Variants in FGFR2 observed in about 807,000 individuals in gnomAD.
FGFR2 encodes fibroblast growth factor receptor 2.
In FGFR2, 19 loss-of-function variants were observed where a neutral mutation model predicts 95.9. The observed-to-expected ratio is 0.20, with a 90% CI of 0.14 to 0.29. The LOEUF (loss-of-function observed/expected upper bound fraction) is 0.29. Ranked by LOEUF, FGFR2 falls within the 10% of genes least tolerant of loss-of-function variation. The pLI, the probability that FGFR2 is intolerant of heterozygous loss-of-function variation, is 1.00. For missense variants in FGFR2, 707 were observed against 1,056.9 expected, an observed-to-expected ratio of 0.67 and a Z score of 4.59; for synonymous variants, 392 against 393.3, an observed-to-expected ratio of 1.00 and a Z score of 0.04.
chr10:121,587,235 T>C (rs984663534), intron 2 of FGFR2, among the ~76,000 whole-genome samples: 1 of 152,100 alleles, frequency 6.6e-6, no homozygotes, highest in East Asian at 1.9e-4. Flanking sequence ...CCCTTCCTTA[T>C]ACCATATACA....
At chr10:121,555,492 G>C (rs11200002) in intron 4 of FGFR2, among the ~76,000 whole-genome samples, 2 of 152,192 alleles carry the variant, frequency 1.3e-5, no homozygotes, top group African/African-American at 4.8e-5. Context: ...TCAGCTAATA[G>C]AGACGTGTGG....
intron 6 of FGFR2, among the ~76,000 whole-genome samples, chr10:121,529,672 T>G (rs1480850218): frequency 3.9e-5 from 6 of 152,190 alleles, no homozygotes; most frequent in Non-Finnish European, 8.8e-5. Flanking sequence ...TTTGAGAGAA[T>G]CCTGTAATCC....
rs916703359 is a variant in FGFR2 at position 121,545,068 on chromosome 10, A to G, written c.624+6222T>C. On this transcript the variant is annotated intron_variant, in intron 5 of 17. Coordinates refer to ENST00000358487, the MANE Select transcript of FGFR2 (RefSeq NM_000141.5). ...TGAGGCAGGAGGATCACTTGAACCC[A>G]GGAGGTCAAGACTGCACTGAGCCAT... 2.6e-5 allele frequency among the ~76,000 whole-genome samples: 4 copies of G among 152,148 alleles called. No homozygotes were observed. The East Asian group carries it at 5.8e-4, about 22-fold the overall frequency.
intron 13 of FGFR2, 27 bp downstream of exon 13, chr10:121,496,505 C>A (rs1364124742): frequency 6.2e-7 from 1 of 1,611,154 alleles, no homozygotes; most frequent in Non-Finnish European, 8.5e-7. Context: ...GGATTCCACC[C>A]AGCCAAGTAG....
At chr10:121,491,037 C>T (rs765863153) in intron 13 of FGFR2, among the ~76,000 whole-genome samples, 4 of 152,204 alleles carry the variant, frequency 2.6e-5, no homozygotes, top group Admixed American at 1.3e-4. Context: ...CAAACTCTCC[C>T]GGTGGTGTGC....
intron 5 of FGFR2, among the ~76,000 whole-genome samples, chr10:121,540,254 G>T (rs546936791): frequency 1.3e-5 from 2 of 152,268 alleles, no homozygotes; most frequent in Non-Finnish European, 2.9e-5. Flanking sequence ...CCTCACTGTC[G>T]CAGGTAAAAT....
intron 5 of FGFR2, among the ~76,000 whole-genome samples, chr10:121,545,192 A>G (rs1854324600): frequency 6.6e-6 from 1 of 152,250 alleles, no homozygotes; most frequent in Admixed American, 6.5e-5. Context: ...TTGAAAGAAC[A>G]GCATCATATC....
At chr10:121,540,120 A>G (rs772210635) in intron 5 of FGFR2, among the ~76,000 whole-genome samples, 1 of 152,120 alleles carries the variant, frequency 6.6e-6, no homozygotes, top group Non-Finnish European at 1.5e-5. Flanking sequence ...TTCCTCCTTA[A>G]CAGAGTACAA....
In FGFR2 at chr10:121,478,731, A is replaced by G. The variant is rs370106008; in HGVS notation, c.*1126T>C. The G allele has an allele frequency of 3.9e-5, 9 of 233,660 alleles. 1 individual carries two copies. Among genetic ancestry groups the G allele is most frequent in the Admixed American group, 1.1e-4 (2 of 17,796 alleles). The allele number at this position is 233,660 out of a possible 1,614,324, so 14.5% of individuals were successfully genotyped here. A position where few individuals can be genotyped will look rare whatever the true frequency, so the allele number is the denominator to read the frequency against. ...ATCCTAACAGGCGTCTCCAACGCCA[A>G]AGAGTCTGGAAGCCATTATCAAAAT... is the stretch of plus-strand genomic sequence containing the variant. On this transcript the variant is annotated 3_prime_UTR_variant, in exon 18 of 18. Transcript: ENST00000358487.
At chr10:121,482,159 A>T (rs1274468928) in intron 17 of FGFR2, 1 of 1,612,826 alleles carries the variant, frequency 6.2e-7, no homozygotes, top group South Asian at 1.1e-5. Context: ...TTTCTCAATG[A>T]AGCCATAAAC....
chr10:121,585,946 G>A (rs1373165744), intron 2 of FGFR2, among the ~76,000 whole-genome samples: 1 of 152,154 alleles, frequency 6.6e-6, no homozygotes, highest in African/African-American at 2.4e-5. Context: ...ACTGTCAACT[G>A]AAAATCTGAA....
intron 6 of FGFR2, among the ~76,000 whole-genome samples, chr10:121,529,017 C>T (rs1363676667): frequency 6.6e-6 from 1 of 152,200 alleles, no homozygotes; most frequent in Non-Finnish European, 1.5e-5. Context: ...ACCTCTGCCT[C>T]CCGGGTACAA....
At chr10:121,536,545 C>A (rs1181518234) in intron 6 of FGFR2, among the ~76,000 whole-genome samples, 1 of 152,112 alleles carries the variant, frequency 6.6e-6, no homozygotes, top group Admixed American at 6.6e-5. Context: ...AGACTGATTG[C>A]CAGGGGATTA....
At position 121,508,020 on chromosome 10, in the gene FGFR2, T is replaced by C. The variant is rs150782299; in HGVS notation, c.1288-4079A>G. On this transcript the variant is annotated intron_variant, in intron 9 of 17. Transcript: ENST00000358487. ...ATAGCATTTACAACGCGTTAGTTAT[T>C]ACAGGTATCACTAGAAATGACTAAG... is the stretch of plus-strand genomic sequence containing the variant. 3.5e-4 allele frequency among the ~76,000 whole-genome samples: 53 copies of C among 152,368 alleles called. 1 individual carries two copies. The South Asian group carries it at 3.7e-3, about 11-fold the overall frequency.
chr10:121,494,474 G>C (rs1327091263), intron 13 of FGFR2, among the ~76,000 whole-genome samples: 1 of 152,056 alleles, frequency 6.6e-6, no homozygotes, highest in Non-Finnish European at 1.5e-5. Flanking sequence ...ACCCTGCTGG[G>C]TGCAAAACTG....
Position 121,479,907 on chromosome 10 carries a change from C to T in FGFR2, c.2416G>A (p.Glu806Lys), listed in dbSNP as rs764959117. 4.4e-5 allele frequency: 71 copies of T among 1,613,874 alleles called. 2 individuals carry two copies. The South Asian group carries it at 6.5e-4, about 15-fold the overall frequency. Residue 806 changes from glutamate to lysine, a missense_variant, in exon 18 of 18, where the codon GAA becomes AAA. By Grantham distance (56) the Glu-to-Lys change is moderately conservative (BLOSUM62 1). Coordinates refer to ENST00000358487, the MANE Select transcript of FGFR2 (RefSeq NM_000141.5). Reference protein sequence around the residue: ...SVFSPDPMPYEPCLPQYPHIN... With the variant: ...SVFSPDPMPYKPCLPQYPHIN... ...TGTGGATACTGAGGAAGGCATGGTT[C>T]GTAAGGCATGGGGTCTGGAGAAAAA...
In FGFR2 at chr10:121,518,148, T is replaced by G; in HGVS notation, c.940-685A>C. ...AGTCAACCTTTTGCCTTTAGTAGCG[T>G]CCAGTAGTACATTCATTAAGATGAG... On this transcript the variant is annotated intron_variant, in intron 7 of 17. Coordinates refer to ENST00000358487, the MANE Select transcript of FGFR2 (RefSeq NM_000141.5). This position sits in a 1 kb window ranked among gnomAD's most constrained non-coding sequence, Gnocchi z 4.0. 1 of 362,582 alleles carries G rather than the reference T, an allele frequency of 2.8e-6. No homozygotes were observed. Among genetic ancestry groups the G allele is most frequent in the Admixed American group, 4.0e-5 (1 of 24,696 alleles). 22.5% of individuals were successfully genotyped at this position (362,582 alleles called of 1,614,324 possible).
intron 6 of FGFR2, among the ~76,000 whole-genome samples, chr10:121,525,849 G>A (rs1055114127): frequency 1.3e-4 from 20 of 152,094 alleles, no homozygotes; most frequent in Non-Finnish European, 2.1e-4. Flanking sequence ...CATGCATCCC[G>A]GGGATCAGAA....
intron 4 of FGFR2, among the ~76,000 whole-genome samples, chr10:121,561,881 G>A (rs1324998171): frequency 6.6e-6 from 1 of 152,154 alleles, no homozygotes; most frequent in Non-Finnish European, 1.5e-5. Flanking sequence ...ATGGGCCAAC[G>A]GCCTTAACAG....
Sources: gnomAD v4.1 joint callset for allele counts (sites outside exome capture counted in the v4.1 genomes callset) on GRCh38, gnomAD v4.1.1 for gene constraint, Gnocchi (gnomAD v3.1) non-coding constraint, MANE v1.5 for transcripts, NCBI Gene and HGNC (gene_info 2026-07-23, HGNC 2026-07-21) for gene names.